Variants in TUBA3E observed in about 807,000 individuals in gnomAD.
The protein encoded by TUBA3E is tubulin alpha-3E chain.
TUBA3E carries 21 observed loss-of-function variants against 36.7 expected under a neutral mutation model. The ratio of observed to expected loss-of-function variants is 0.57; its 90% CI spans 0.41 to 0.83. The LOEUF (loss-of-function observed/expected upper bound fraction) is 0.83, where lower values mean the gene tolerates loss of function less well. Among genes scored for constraint, TUBA3E ranks in the 40% least tolerant of loss-of-function variants. The pLI, the probability that TUBA3E is intolerant of heterozygous loss-of-function variation, is 0.00. For synonymous variants in TUBA3E, 177 were observed against 241.9 expected (o/e 0.73, Z 2.49); for missense variants, 469 against 604.2 (o/e 0.78, Z 2.35).
intron 2 of TUBA3E, among the ~76,000 whole-genome samples, chr2:130,195,535 A>T (rs1337248171): frequency 1.3e-5 from 2 of 152,240 alleles, no homozygotes; most frequent in Admixed American, 6.5e-5. Flanking sequence ...ACGTGTAGCT[A>T]CATCAAAGGC....
Position 130,196,291 on chromosome 2 carries a change from A to G in TUBA3E, c.84T>C (p.His28=). The change falls in exon 2 of 5, where the codon CAT becomes CAC. Residue 28 remains histidine, a synonymous_variant. Transcript: ENST00000312988. ...GCATTTGACCATCGGGCTGAATTCC[A>G]TGTTCAAGGCAGTACAGTTCCCAGC... is the stretch of plus-strand genomic sequence containing the variant. ...NACWELYCLE[H]GIQPDGQMPS... 6.2e-7 allele frequency: 1 copy of G among 1,613,974 alleles called. No individual in the cohort carries two copies. Among genetic ancestry groups the G allele is most frequent in the East Asian group, 2.2e-5 (1 of 44,904 alleles).
In TUBA3E at chr2:130,194,348, G is replaced by GACTTCTTGGATT; in HGVS notation, c.493_494insAATCCAAGAAGT (p.Lys164_Ser165insTer). ...TGGGTAAATGGCAAACTCTAGCTTG[G>GACTTCTTGGATT]ACTTCTTGCTGTAATCCACTGAGAG... On this transcript the variant is annotated stop_gained, in exon 4 of 5. Transcript: ENST00000312988. LOFTEE classifies it high-confidence loss of function. 1 of 1,613,322 alleles carries GACTTCTTGGATT rather than the reference G, an allele frequency of 6.2e-7. No individual in the cohort carries two copies. Among genetic ancestry groups the GACTTCTTGGATT allele is most frequent in the Non-Finnish European group, 8.5e-7 (1 of 1,179,926 alleles).
chr2:130,194,954 A>G (rs1248066373), intron 3 of TUBA3E, 125 bp downstream of exon 3: 15 of 1,528,576 alleles, frequency 9.8e-6, no homozygotes, highest in East Asian at 2.3e-5. Flanking sequence ...CTGGGATTAC[A>G]CGTGTGAGCC....
intron 3 of TUBA3E, 94 bp from the exon 4 acceptor site, chr2:130,194,560 T>C: frequency 7.9e-7 from 1 of 1,272,308 alleles, no homozygotes; most frequent in Non-Finnish European, 1.1e-6. Context: ...CTCTAAAGAG[T>C]TGATATGGAT....
At chr2:130,197,375 T>C (rs1205118051) in intron 1 of TUBA3E, among the ~76,000 whole-genome samples, 21 of 73,118 alleles carry the variant, frequency 2.9e-4, no homozygotes, top group East Asian at 5.0e-4. Flanking sequence ...TAGTACCAGC[T>C]ACTCGGAAGG....
intron 3 of TUBA3E, 81 bp from the exon 4 acceptor site, chr2:130,194,547 T>G (rs1690358364): frequency 6.9e-7 from 1 of 1,442,494 alleles, no homozygotes. Context: ...CGCTTCTCTT[T>G]GCCTCTAAAG....
rs1690369718 is a variant in TUBA3E at position 130,195,045 on chromosome 2, A to G, written c.375+34T>C. 4 of 1,610,198 alleles carry G rather than the reference A, an allele frequency of 2.5e-6. No individual in the cohort carries two copies. The South Asian group carries it at 4.4e-5, about 18-fold the overall frequency. ...ATTCCAAGAACTACCCCTCCCATGC[A>G]AGACAATGGCCACATGAAACCTTCT... is the stretch of plus-strand genomic sequence containing the variant. On this transcript the variant is annotated intron_variant, in intron 3 of 4. Coordinates refer to ENST00000312988, the MANE Select transcript of TUBA3E (RefSeq NM_207312.3).
rs796949543 is a variant in TUBA3E, at chr2:130,197,106, G to T, written c.4-735C>A. ...TACCCTCCTAATTTCTTGTAACCAC[G>T]CCCTCTCTCTACCCCTTGAAGCCTA... On this transcript the variant is annotated intron_variant, in intron 1 of 4. Coordinates refer to ENST00000312988, the MANE Select transcript of TUBA3E (RefSeq NM_207312.3). 1.6e-3 allele frequency among the ~76,000 whole-genome samples: 236 copies of T among 152,128 alleles called. 1 individual carries two copies. The highest frequency in any genetic ancestry group is 5.4e-3 in the African/African-American group (223 of 41,470).
Position 130,192,062 on chromosome 2 carries a change from G to C in TUBA3E, c.1122C>G (p.Ala374=), listed in dbSNP as rs142556135. The change falls in exon 5 of 5, where the codon GCC becomes GCG. Residue 374 remains alanine, a synonymous_variant. Transcript: ENST00000312988. The stretch of plus-strand genomic sequence containing the variant: ...CCGTGGTGTTGCTCAGCATGCACAC[G>C]GCCCGCTGCACCTTGGCCAGGTCTC... ...PGGDLAKVQR[A]VCMLSNTTAI... The C allele has an allele frequency of 6.3e-3, 10,139 of 1,613,486 alleles. 297 individuals are homozygous for C. The African/African-American group carries it at 0.086, about 14-fold the overall frequency.
chr2:130,195,875 G>A (rs1690389633), intron 2 of TUBA3E, among the ~76,000 whole-genome samples: 1 of 152,266 alleles, frequency 6.6e-6, no homozygotes, highest in Non-Finnish European at 1.5e-5. Context: ...GGCCACCTGA[G>A]CAGGGCTGAG....
chr2:130,193,018 G>A (rs968730035), intron 4 of TUBA3E, among the ~76,000 whole-genome samples: 2 of 151,752 alleles, frequency 1.3e-5, no homozygotes, highest in African/African-American at 2.4e-5. Flanking sequence ...GCTTGAACCC[G>A]GGAGGTGGAG....
chr2:130,194,903 C>G (rs1690366311), intron 3 of TUBA3E, among the ~76,000 whole-genome samples, 176 bp downstream of exon 3: 1 of 152,134 alleles, frequency 6.6e-6, no homozygotes, highest in Non-Finnish European at 1.5e-5. Flanking sequence ...GTCTCAAACT[C>G]CTGACCTCAG....
rs1690400747 is a variant in TUBA3E at position 130,196,266 on chromosome 2, G to A, written c.109C>T (p.Pro37Ser). ...EHGIQPDGQM[P>S]SDKTIGGGDD... is the part of the protein sequence containing the mutation. ...CCGCCACCAATGGTTTTATCACTTG[G>A]CATTTGACCATCGGGCTGAATTCCA... Residue 37 changes from proline to serine, a missense_variant, in exon 2 of 5, where the codon CCA becomes TCA. Transcript: ENST00000312988. 6.2e-7 allele frequency: 1 copy of A among 1,613,922 alleles called. No individual in the cohort carries two copies. The highest frequency in any genetic ancestry group is 1.1e-5 in the South Asian group (1 of 91,082).
intron 2 of TUBA3E, 62 bp downstream of exon 2, chr2:130,196,087 G>A: frequency 6.9e-7 from 1 of 1,457,924 alleles, no homozygotes; most frequent in Non-Finnish European, 9.3e-7. Context: ...AGCCCACACG[G>A]GGCTTTACCA....
rs929470963 is a variant in TUBA3E, at chr2:130,194,701, G to A, written c.376-235C>T. Among the ~76,000 whole-genome samples the A allele has an allele frequency of 5.9e-5, 9 of 151,974 alleles. No individual in the cohort carries two copies. The East Asian group carries it at 1.2e-3, about 20-fold the overall frequency. On this transcript the variant is annotated intron_variant, in intron 3 of 4. Transcript: ENST00000312988. ...AAGTTTTTGCTTGTTTGTTTGAGAC[G>A]GAATCTTGCTCTGTTGCCCAGGTTA...
In TUBA3E at chr2:130,194,174, G is replaced by T. The variant is rs562742057; in HGVS notation, c.668C>A (p.Thr223Lys). ...AATCAGGCGATTGAGGTTGGTGTAC[G>T]TGGGACGTTCAATGTCCAGGTTGCG... ...CRRNLDIERP[T>K]YTNLNRLIGQ... is the part of the protein sequence containing the mutation. The change falls in exon 4 of 5, where the codon ACG becomes AAG. Residue 223 changes from threonine (T) to lysine (K), a missense_variant. By Grantham distance (78) the Thr-to-Lys change is moderately conservative (BLOSUM62 -1). Around this residue, in one of 3 missense-constraint regions of TUBA3E, gnomAD observed 296 missense variants for 346.9 expected, o/e 0.85. Transcript: ENST00000312988. The T allele has an allele frequency of 6.6e-5, 107 of 1,613,714 alleles. 2 individuals carry two copies. The East Asian group carries it at 2.4e-3, about 36-fold the overall frequency.
chr2:130,195,506 A>C (rs1180824696), intron 2 of TUBA3E, among the ~76,000 whole-genome samples: 1 of 152,244 alleles, frequency 6.6e-6, no homozygotes, highest in Non-Finnish European at 1.5e-5. Context: ...ACTCCTACTC[A>C]GGTACATAAT....
In TUBA3E at chr2:130,196,322, T is replaced by G. The variant is rs747771610; in HGVS notation, c.53A>C (p.Asn18Thr). 2.9e-5 allele frequency: 47 copies of G among 1,614,136 alleles called. No homozygotes were observed. Among genetic ancestry groups the G allele is most frequent in the South Asian group, 1.9e-4 (17 of 91,076 alleles). ...AAGGCAGTACAGTTCCCAGCAGGCA[T>G]TGCCGATCTGGACACCCGCCTGCCC... ...HVGQAGVQIG[N>T]ACWELYCLEH... The change falls in exon 2 of 5, where the codon AAT becomes ACT. Residue 18 changes from asparagine to threonine, a missense_variant. Physicochemically the swap from Asn to Thr is moderately conservative, Grantham distance 65. Transcript: ENST00000312988.
chr2:130,194,466 C>A lies in TUBA3E; in HGVS notation c.376G>T (p.Ala126Ser). 1 of 1,539,328 alleles carries A rather than the reference C, an allele frequency of 6.5e-7. No individual in the cohort carries two copies. The highest frequency in any genetic ancestry group is 1.4e-5 in the African/African-American group (1 of 72,970). The stretch of plus-strand genomic sequence containing the variant: ...CCCTGCAGTCCTGTGCACAGATCCG[C>A]CTGAGAGAAACCAGACAACGTGAGC... ...DLVLDRIRKL[A>S]DLCTGLQGFL... Residue 126 changes from alanine to serine, a missense_variant and splice_region_variant, in exon 4 of 5, where the codon GCG (alanine) becomes TCG (serine). Transcript: ENST00000312988.
Sources: gnomAD v4.1 joint callset for allele counts (sites outside exome capture counted in the v4.1 genomes callset) on GRCh38, gnomAD v4.1.1 for gene constraint, gnomAD v4.1.1 regional missense constraint, MANE v1.5 for transcripts, NCBI Gene and HGNC (gene_info 2026-07-23, HGNC 2026-07-21) for gene names.